Variants in CSMD2 observed in about 807,000 individuals in gnomAD.
CSMD2 encodes the protein CUB and sushi domain-containing protein 2.
Under a neutral mutation model 398.5 loss-of-function variants are expected in CSMD2, and 130 were observed. That is an observed-to-expected ratio of 0.33 (90% CI 0.28 to 0.38). The LOEUF (loss-of-function observed/expected upper bound fraction) is 0.38, where lower values mean the gene tolerates loss of function less well. Ranked by LOEUF, CSMD2 falls within the 10% of genes least tolerant of loss-of-function variation. CSMD2 has a pLI of 1.00. For missense variants in CSMD2, 3,829 were observed against 4,764.9 expected, an observed-to-expected ratio of 0.80 and a Z score of 5.78; for synonymous variants, 1,828 against 1,908.5, an observed-to-expected ratio of 0.96 and a Z score of 1.10.
intron 10 of CSMD2, among the ~76,000 whole-genome samples, chr1:33,806,092 C>T (rs1656197162): frequency 6.6e-6 from 1 of 152,002 alleles, no homozygotes; most frequent in Non-Finnish European, 1.5e-5. Flanking sequence ...AAATTCAGGG[C>T]CCAGCACAAT....
chr1:33,537,044 T>C lies in CSMD2; in HGVS notation c.9857A>G (p.Gln3286Arg). Residue 3286 changes from glutamine to arginine, a missense_variant, in exon 62 of 71, where the codon CAG (glutamine) becomes CGG (arginine). Transcript: ENST00000373381. This position sits in a 1 kb window ranked among gnomAD's most constrained non-coding sequence, Gnocchi z 4.6. Reference sequence around the variant, plus strand: ...TACCTGGTAGCCCTGAGAATTGTTCTGTATCCCAAACTGTGGCACACCAGG... The same window carrying C: ...TACCTGGTAGCCCTGAGAATTGTTCCGTATCCCAAACTGTGGCACACCAGG... ...ADPGVPQFGI[Q>R]NNSQGYQVGS... The C allele has an allele frequency of 1.9e-6, 3 of 1,614,196 alleles. No homozygotes were observed. Among genetic ancestry groups the C allele is most frequent in the Non-Finnish European group, 2.5e-6 (3 of 1,180,016 alleles).
chr1:33,708,617 T>TATTATTATTATTATTATTATG (rs1553180016), intron 22 of CSMD2, among the ~76,000 whole-genome samples: 1 of 150,248 alleles, frequency 6.7e-6, no homozygotes. Context: ...TTATTATTAT[T>TATTATTATTATTATTATTATG]TTGAGACAGG....
chr1:33,940,404 T>A lies in CSMD2; in HGVS notation c.518-4450A>T, dbSNP rs1286961824. Among the ~76,000 whole-genome samples, 7 of 152,218 alleles carry A rather than the reference T, an allele frequency of 4.6e-5. No individual in the cohort carries two copies. The South Asian group carries it at 1.2e-3, about 27-fold the overall frequency. ...ACAATTCAACTCATCACAGGGCTGT[T>A]GCGCAGATTAAAATTCAACTTATAA... On this transcript the variant is annotated intron_variant, in intron 3 of 70. Coordinates refer to ENST00000373381, the MANE Select transcript of CSMD2 (RefSeq NM_001281956.2).
chr1:33,711,980 G>A (rs1272234186), intron 21 of CSMD2, among the ~76,000 whole-genome samples: 1 of 152,166 alleles, frequency 6.6e-6, no homozygotes. Context: ...AAAGTAACAG[G>A]GGAGGTGAAC....
intron 1 of CSMD2, among the ~76,000 whole-genome samples, chr1:34,102,709 G>C (rs1190820892): frequency 2.9e-5 from 4 of 136,310 alleles, no homozygotes; most frequent in South Asian, 2.3e-4. Flanking sequence ...CTGGACCTTT[G>C]CATTTGCCAA....
At chr1:34,151,094 C>A (rs779878180) in intron 1 of CSMD2, among the ~76,000 whole-genome samples, 1 of 152,162 alleles carries the variant, frequency 6.6e-6, no homozygotes, top group East Asian at 1.9e-4. Context: ...CTCCTTCAAC[C>A]GAATCCCTGC....
intron 44 of CSMD2, among the ~76,000 whole-genome samples, chr1:33,591,459 CA>C (rs1639449730): frequency 6.6e-6 from 1 of 152,166 alleles, no homozygotes; most frequent in African/African-American, 2.4e-5. Context: ...TTTTTCAGAA[CA>C]TCACAAGGAG....
chr1:33,739,162 G>A lies in CSMD2; in HGVS notation c.2346C>T (p.Asn782=). The change falls in exon 15 of 71, where the codon AAC becomes AAT. Residue 782 remains asparagine, a synonymous_variant. Transcript: ENST00000373381. ...TACCTTCACACCGCAGCACAGCGCT[G>A]TTCCAGACCACGCTGCCCTCCTTCA... ...CVLKEGSVVW[N]SAVLRCEAPC... The A allele has an allele frequency of 6.2e-7, 1 of 1,613,898 alleles. No homozygotes were observed. Among genetic ancestry groups the A allele is most frequent in the Non-Finnish European group, 8.5e-7 (1 of 1,179,918 alleles).
chr1:34,140,293 C>CAAAA (rs6143187), intron 1 of CSMD2, among the ~76,000 whole-genome samples: 52,761 of 137,528 alleles, frequency 0.38, 11,259 homozygotes, highest in East Asian at 0.61. Flanking sequence ...TCGGCATATG[C>CAAAA]AAAAAAACAA....
At chr1:33,594,626 T>A (rs1256203795) in intron 44 of CSMD2, among the ~76,000 whole-genome samples, 3 of 152,226 alleles carry the variant, frequency 2.0e-5, no homozygotes, top group Admixed American at 2.0e-4. Flanking sequence ...GTCTTGGCTC[T>A]TTGTCCACTG....
chr1:33,536,921 C>G, intron 62 of CSMD2, 101 bp downstream of exon 62: 1 of 1,150,880 alleles, frequency 8.7e-7, no homozygotes, highest in Non-Finnish European at 1.3e-6. Context: ...CTCTTGTCCT[C>G]CCTGAGTGCT....
chr1:33,863,037 A>C (rs1639664453), intron 5 of CSMD2: 2 of 152,218 alleles, frequency 1.3e-5, no homozygotes, highest in Non-Finnish European at 2.9e-5. Flanking sequence ...GCTTAGGTCA[A>C]GCAATCAGCC....
Position 33,518,415 on chromosome 1 carries a change from G to T in CSMD2, c.*53+1050C>A, listed in dbSNP as rs185577472. On this transcript the variant is annotated intron_variant, in intron 70 of 70. Coordinates refer to ENST00000373381, the MANE Select transcript of CSMD2 (RefSeq NM_001281956.2). The surrounding 1 kb of genome is among the most constrained non-coding windows in gnomAD (Gnocchi z 4.3). The stretch of plus-strand genomic sequence containing the variant: ...TGTGTGTGTGTGTGTGTGCATGACC[G>T]TGTACACGTGTGGGTGTGTCTGCCC... Among the ~76,000 whole-genome samples, 1 of 152,218 alleles carries T rather than the reference G, an allele frequency of 6.6e-6. No homozygotes were observed. The highest frequency in any genetic ancestry group is 1.9e-4 in the East Asian group (1 of 5,164).
At chr1:33,761,540 G>A (rs972891501) in intron 13 of CSMD2, among the ~76,000 whole-genome samples, 1 of 152,226 alleles carries the variant, frequency 6.6e-6, no homozygotes, top group Admixed American at 6.5e-5. Context: ...AAGGAAGGGT[G>A]TGGATCACAT....
chr1:34,035,166 T>C (rs1213349382), intron 2 of CSMD2, among the ~76,000 whole-genome samples: 2 of 152,134 alleles, frequency 1.3e-5, no homozygotes, highest in African/African-American at 4.8e-5. Flanking sequence ...TTTCCCAATA[T>C]GAAACAGATC....
At chr1:34,074,487 A>C (rs1258984104) in intron 2 of CSMD2, among the ~76,000 whole-genome samples, 1 of 149,546 alleles carries the variant, frequency 6.7e-6, no homozygotes, top group Non-Finnish European at 1.5e-5. Context: ...TTTTGCCTAG[A>C]CCTATGCACA....
intron 3 of CSMD2, among the ~76,000 whole-genome samples, chr1:33,967,277 G>T (rs889300956): frequency 6.6e-6 from 1 of 151,370 alleles, no homozygotes; most frequent in Non-Finnish European, 1.5e-5. Context: ...TAAAGCGGGG[G>T]GTGGGGGGTA....
At chr1:33,690,659 T>G (rs916313830) in intron 25 of CSMD2, among the ~76,000 whole-genome samples, 1 of 152,226 alleles carries the variant, frequency 6.6e-6, no homozygotes, top group African/African-American at 2.4e-5. Flanking sequence ...ATAGTCATTA[T>G]GTTCTCGATC....
At chr1:34,092,556 G>C (rs965066214) in intron 1 of CSMD2, among the ~76,000 whole-genome samples, 34 of 152,280 alleles carry the variant, frequency 2.2e-4, no homozygotes, top group Non-Finnish European at 4.9e-4. Context: ...TGCGCGCACC[G>C]TGCACGAGCC....
Sources: allele counts gnomAD v4.1 joint callset (sites outside exome capture counted in the v4.1 genomes callset), GRCh38; gene constraint gnomAD v4.1.1; non-coding constraint Gnocchi (gnomAD v3.1); transcripts MANE v1.5; gene names NCBI Gene and HGNC (gene_info 2026-07-23, HGNC 2026-07-21).